Variants in MOB3B observed in about 807,000 individuals in gnomAD.
MOB3B encodes the protein MOB kinase activator-like 2B.
MOB3B carries 7 observed loss-of-function variants against 18.7 expected under a neutral mutation model. The ratio of observed to expected loss-of-function variants is 0.37; its 90% CI spans 0.21 to 0.70. The LOEUF is 0.70. Among genes scored for constraint, MOB3B ranks in the 30% least tolerant of loss-of-function variants. The pLI is 0.52. For synonymous variants in MOB3B, 111 were observed against 99.9 expected (o/e 1.11, Z -0.66); for missense variants, 253 against 281.3 (o/e 0.90, Z 0.72).
At chr9:27,411,105 T>A (rs1822058759) in intron 2 of MOB3B, among the ~76,000 whole-genome samples, 1 of 152,250 alleles carries the variant, frequency 6.6e-6, no homozygotes, top group Admixed American at 6.5e-5. Flanking sequence ...GTGGATAATA[T>A]GTTTATAACA....
chr9:27,472,763 C>T lies in MOB3B; in HGVS notation c.-198-17015G>A, dbSNP rs538071905. Among the ~76,000 whole-genome samples, 6 of 149,902 alleles carry T rather than the reference C, an allele frequency of 4.0e-5. No individual in the cohort carries two copies. The South Asian group carries it at 8.5e-4, about 21-fold the overall frequency. ...ATATAAGCACCAGATGATTCTAATT[C>T]CTTTTGGAAAAAGGTGGTGGAGGAT... On this transcript the variant is annotated intron_variant, in intron 1 of 3. Coordinates refer to ENST00000262244, the MANE Select transcript of MOB3B (RefSeq NM_024761.5).
intron 2 of MOB3B, among the ~76,000 whole-genome samples, chr9:27,361,308 C>T (rs546670823): frequency 1.1e-4 from 17 of 152,264 alleles, no homozygotes; most frequent in South Asian, 1.0e-3. Flanking sequence ...CAGAGTACAA[C>T]GCTCTCTCTT....
At chr9:27,483,124 A>AC (rs1819685398) in intron 1 of MOB3B, among the ~76,000 whole-genome samples, 1 of 103,020 alleles carries the variant, frequency 9.7e-6, no homozygotes, top group Admixed American at 1.1e-4. Flanking sequence ...AATATACGGT[A>AC]CTTTTTTTTT....
At chr9:27,481,502 T>TTTTTGTTTG (rs1819650076) in intron 1 of MOB3B, among the ~76,000 whole-genome samples, 1 of 103,038 alleles carries the variant, frequency 9.7e-6, no homozygotes, top group African/African-American at 4.0e-5. Context: ...AGGTAGTTTT[T>TTTTTGTTTG]TTTTTTTTGT....
chr9:27,518,344 G>T (rs1464052750), intron 1 of MOB3B, among the ~76,000 whole-genome samples: 3 of 152,174 alleles, frequency 2.0e-5, no homozygotes, highest in African/African-American at 4.8e-5. Context: ...TATTCACTGA[G>T]TAAAGAGAAG....
At chr9:27,353,688 G>C (rs1888378) in intron 3 of MOB3B, among the ~76,000 whole-genome samples, 78,562 of 151,898 alleles carry the variant, frequency 0.52, 20,980 homozygotes, top group African/African-American at 0.65. Flanking sequence ...CCCACCTCAC[G>C]AATCTCTGTC....
At chr9:27,475,250 C>CCGAGG (rs772421519) in intron 1 of MOB3B, among the ~76,000 whole-genome samples, 42 of 152,140 alleles carry the variant, frequency 2.8e-4, no homozygotes, top group Non-Finnish European at 4.3e-4. Context: ...TGAGTAAGCT[C>CCGAGG]CGAGGCGGCT....
intron 1 of MOB3B, among the ~76,000 whole-genome samples, chr9:27,463,368 C>G (rs1819323686): frequency 6.6e-6 from 1 of 152,042 alleles, no homozygotes; most frequent in East Asian, 1.9e-4. Context: ...CAGTAAGTAG[C>G]CAAGCTGACT....
intron 3 of MOB3B, among the ~76,000 whole-genome samples, chr9:27,345,466 A>T (rs1411320735): frequency 6.6e-6 from 1 of 152,200 alleles, no homozygotes; most frequent in African/African-American, 2.4e-5. Context: ...ACTCTGGAGA[A>T]TTCACCTAAA....
At chr9:27,424,219 G>T (rs1215722475) in intron 2 of MOB3B, among the ~76,000 whole-genome samples, 1 of 152,220 alleles carries the variant, frequency 6.6e-6, no homozygotes, top group East Asian at 1.9e-4. Context: ...GACATTTACT[G>T]TTTCTGTGGC....
intron 2 of MOB3B, among the ~76,000 whole-genome samples, chr9:27,404,514 C>T (rs981630125): frequency 1.5e-4 from 23 of 151,872 alleles, no homozygotes; most frequent in South Asian, 4.2e-4. Flanking sequence ...TGCACCACCA[C>T]GCCTGGCTAA....
At chr9:27,339,157 G>A (rs535559005) in intron 3 of MOB3B, among the ~76,000 whole-genome samples, 167 of 152,354 alleles carry the variant, frequency 1.1e-3, no homozygotes, top group Non-Finnish European at 1.9e-3. Context: ...GGTCAAGCTG[G>A]TGGAGCTTCC....
At chr9:27,516,257 T>C (rs1050108623) in intron 1 of MOB3B, among the ~76,000 whole-genome samples, 1 of 152,212 alleles carries the variant, frequency 6.6e-6, no homozygotes, top group Non-Finnish European at 1.5e-5. Context: ...TGATTTGTTA[T>C]GGCAACCCTA....
intron 3 of MOB3B, among the ~76,000 whole-genome samples, chr9:27,338,355 G>A (rs1820892117): frequency 1.3e-5 from 2 of 152,134 alleles, no homozygotes; most frequent in Admixed American, 1.3e-4. Context: ...TTCCCAGAAA[G>A]GGAGCAGAAC....
intron 3 of MOB3B, among the ~76,000 whole-genome samples, chr9:27,351,390 G>A (rs142918393): frequency 1.4e-5 from 2 of 143,064 alleles, no homozygotes; most frequent in African/African-American, 5.3e-5. Flanking sequence ...TCTTTTACAG[G>A]TGGGGAAACT....
chr9:27,460,671 C>T (rs1587232426), intron 1 of MOB3B, among the ~76,000 whole-genome samples: 1 of 152,076 alleles, frequency 6.6e-6, no homozygotes, highest in Non-Finnish European at 1.5e-5. Flanking sequence ...AAAGGCAGTT[C>T]AATATCTTAT....
chr9:27,443,661 T>TAC, intron 2 of MOB3B, among the ~76,000 whole-genome samples: 1 of 152,286 alleles, frequency 6.6e-6, no homozygotes, highest in South Asian at 2.1e-4. Context: ...TTAGAGACCA[T>TAC]ACCCTGGACC....
At chr9:27,451,312 C>T (rs191268489) in intron 2 of MOB3B, among the ~76,000 whole-genome samples, 2 of 152,292 alleles carry the variant, frequency 1.3e-5, no homozygotes, top group East Asian at 3.9e-4. Flanking sequence ...GAATTTACTG[C>T]TCTTTCAAGG....
At chr9:27,521,784 T>C (rs761961626) in intron 1 of MOB3B, among the ~76,000 whole-genome samples, 11 of 152,226 alleles carry the variant, frequency 7.2e-5, no homozygotes, top group Non-Finnish European at 1.6e-4. Flanking sequence ...GTTATTCATA[T>C]CAACTGATTG....
Sources: gnomAD v4.1 joint callset for allele counts (sites outside exome capture counted in the v4.1 genomes callset) on GRCh38, gnomAD v4.1.1 for gene constraint, MANE v1.5 for transcripts, NCBI Gene and HGNC (gene_info 2026-07-23, HGNC 2026-07-21) for gene names.